The following NPBWR1 variants were observed in gnomAD, a reference collection of about 807,000 sequenced individuals.
NPBWR1 encodes the protein neuropeptides B and W receptor 1.
NPBWR1 carries 4 observed loss-of-function variants against 2.8 expected under a neutral mutation model. That is an observed-to-expected ratio of 1.44 (90% confidence interval 0.71 to 3.29). The LOEUF is 3.29. Ranked by LOEUF, NPBWR1 falls within the 30% of genes most tolerant of loss-of-function variation. The probability of loss-of-function intolerance (pLI) is 0.01; values close to 1 mark genes in which losing one functional copy is unlikely to be tolerated. For missense variants in NPBWR1, 545 were observed against 462.5 expected (o/e 1.18, Z -1.64); for synonymous variants, 250 against 224.5 (o/e 1.11, Z -1.02).
chr8:52,939,778 A>G lies in NPBWR1; in HGVS notation c.-130A>G, dbSNP rs1188053260. On this transcript the variant is annotated 5_prime_UTR_variant, in exon 2 of 2. Transcript: ENST00000674939. ...AACGGTCCCCTCCTCCGGAAAAACC[A>G]GAGAACGGCTTGGAGAGCTGAAACG... 32 of 1,090,464 alleles carry G rather than the reference A, an allele frequency of 2.9e-5. No individual in the cohort carries two copies. The highest frequency in any genetic ancestry group is 9.0e-5 in the Admixed American group (3 of 33,442). 67.5% of individuals were successfully genotyped at this position (1,090,464 alleles called of 1,614,324 possible).
At position 52,941,456 on chromosome 8, in the gene NPBWR1, C is replaced by T. The variant is rs1860201192; in HGVS notation, c.*562C>T. ...CTGTGAGACCCGCTTGGCCTGGCGC[C>T]GCGGGCGGGGACCGCTGCCGAGGCC... On this transcript the variant is annotated 3_prime_UTR_variant, in exon 2 of 2. Transcript: ENST00000674939. Among the ~76,000 whole-genome samples, 1 of 152,178 alleles carries T rather than the reference C, an allele frequency of 6.6e-6. No individual in the cohort carries two copies. Among genetic ancestry groups the T allele is most frequent in the South Asian group, 2.1e-4 (1 of 4,836 alleles).
rs1860181120 is a variant in NPBWR1, at chr8:52,940,679, G to T, written c.772G>T (p.Ala258Ser). 1.2e-6 allele frequency: 2 copies of T among 1,612,516 alleles called. No individual in the cohort carries two copies. The highest frequency in any genetic ancestry group is 8.5e-7 in the Non-Finnish European group (1 of 1,179,908). Residue 258 changes from alanine to serine, a missense_variant, in exon 2 of 2, where the codon GCG (alanine) becomes TCG (serine). Ala to Ser is a moderately conservative substitution (Grantham distance 99). Transcript: ENST00000674939. ...GACCTTCCTGGTGGTGGCAATCCTG[G>T]CGGTGTGCCTCCTCTGCTGGACGCC... ...RVTFLVVAIL[A>S]VCLLCWTPYH...
Position 52,939,993 on chromosome 8 carries a change from T to TGGCGCCGCTGCC in NPBWR1, c.97_108dup (p.Pro33_Leu36dup). 1.2e-6 allele frequency: 2 copies of TGGCGCCGCTGCC among 1,603,100 alleles called. No homozygotes were observed. Among genetic ancestry groups the TGGCGCCGCTGCC allele is most frequent in the Non-Finnish European group, 1.7e-6 (2 of 1,179,408 alleles). Reference sequence around the variant, plus strand: ...CTGAGCTGCTCCAACGCGTCGACTCTGGCGCCGCTGCCGGCGCCGCTGGCG... The same window carrying TGGCGCCGCTGCC: ...CTGAGCTGCTCCAACGCGTCGACTCTGGCGCCGCTGCCGGCGCCGCTGCCGGCGCCGCTGGCG... On this transcript the variant is annotated inframe_insertion, in exon 2 of 2. Transcript: ENST00000674939.
Position 52,941,592 on chromosome 8 carries a change from A to G in NPBWR1, c.*698A>G, listed in dbSNP as rs143046665. Among the ~76,000 whole-genome samples the G allele has an allele frequency of 1.0e-2, 1,519 of 152,348 alleles. 20 individuals are homozygous for G. Among genetic ancestry groups the G allele is most frequent in the Admixed American group, 0.03 (456 of 15,306 alleles). On this transcript the variant is annotated 3_prime_UTR_variant, in exon 2 of 2. Coordinates refer to ENST00000674939, the MANE Select transcript of NPBWR1 (RefSeq NM_005285.5). ...TGTGCGCGCGTTTGCGGAGGCATGA[A>G]ATGCGGGGAAAGAGGCTGGCGCTTG...
rs1323229411 is a variant in NPBWR1 at position 52,940,399 on chromosome 8, G to C, written c.492G>C (p.Gly164=). ...AARAVSLAVW[G]IVTLVVLPFA... ...GCGCGGTGAGCCTGGCCGTGTGGGG[G>C]ATCGTCACACTCGTCGTGCTGCCCT... The change falls in exon 2 of 2, where the codon GGG becomes GGC. Residue 164 remains glycine (G), a synonymous_variant. Transcript: ENST00000674939. 1 of 1,602,262 alleles carries C rather than the reference G, an allele frequency of 6.2e-7. No homozygotes were observed. Among genetic ancestry groups the C allele is most frequent in the South Asian group, 1.1e-5 (1 of 90,762 alleles).
rs1446833166 is a variant in NPBWR1 at position 52,940,910 on chromosome 8, G to A, written c.*16G>A. ...GGCAGCCTGACTCCCCCAGCGTCCG[G>A]CTCCGCAACTGCCCGCCACTCCTGG... On this transcript the variant is annotated 3_prime_UTR_variant, in exon 2 of 2. Transcript: ENST00000674939. The A allele has an allele frequency of 3.8e-6, 6 of 1,567,732 alleles. No individual in the cohort carries two copies. Among genetic ancestry groups the A allele is most frequent in the South Asian group, 2.4e-5 (2 of 84,114 alleles).
In NPBWR1 at chr8:52,941,846, G is replaced by C. The variant is rs1464429476; in HGVS notation, c.*952G>C. Among the ~76,000 whole-genome samples, 2 of 152,196 alleles carry C rather than the reference G, an allele frequency of 1.3e-5. No homozygotes were observed. The highest frequency in any genetic ancestry group is 3.9e-4 in the East Asian group (2 of 5,158). ...GCGGGGCTTTGTGGTGGAGCACTCC[G>C]GCTGAGCGCGCTTCACAGCGCTGTG... On this transcript the variant is annotated 3_prime_UTR_variant, in exon 2 of 2. Coordinates refer to ENST00000674939, the MANE Select transcript of NPBWR1 (RefSeq NM_005285.5).
In NPBWR1 at chr8:52,942,884, C is replaced by G. The variant is rs560184310; in HGVS notation, c.*1990C>G. On this transcript the variant is annotated 3_prime_UTR_variant, in exon 2 of 2. Coordinates refer to ENST00000674939, the MANE Select transcript of NPBWR1 (RefSeq NM_005285.5). The stretch of plus-strand genomic sequence containing the variant: ...TTTGAACAGGCCTCTCTCTGCTGGC[C>G]GGCTTCGGAGGCTTCTTGGAATTCA... Among the ~76,000 whole-genome samples the G allele has an allele frequency of 2.6e-5, 4 of 152,182 alleles. No individual in the cohort carries two copies. Among genetic ancestry groups the G allele is most frequent in the Non-Finnish European group, 5.9e-5 (4 of 68,050 alleles).
At chr8:52,939,638 C>A (rs1860151686) in intron 1 of NPBWR1, 73 bp from the exon 2 acceptor site, 2 of 425,750 alleles carry the variant, frequency 4.7e-6, no homozygotes. Flanking sequence ...ACCCCCACCC[C>A]TCCTCGGGAC....
In NPBWR1 at chr8:52,940,095, T is replaced by A; in HGVS notation, c.188T>A (p.Leu63Gln). 1.2e-6 allele frequency: 2 copies of A among 1,612,134 alleles called. No individual in the cohort carries two copies. The highest frequency in any genetic ancestry group is 1.7e-6 in the Non-Finnish European group (2 of 1,179,980). Residue 63 changes from leucine (L) to glutamine (Q), a missense_variant, in exon 2 of 2, where the codon CTG becomes CAG. Coordinates refer to ENST00000674939, the MANE Select transcript of NPBWR1 (RefSeq NM_005285.5). ...AGNSAVLYVL[L>Q]RAPRMKTVTN... Reference sequence around the variant, plus strand: ...AACTCCGCCGTGCTGTACGTGTTGCTGCGGGCGCCCCGCATGAAGACCGTC... The same window carrying A: ...AACTCCGCCGTGCTGTACGTGTTGCAGCGGGCGCCCCGCATGAAGACCGTC...
In NPBWR1 at chr8:52,940,980, C is replaced by T; in HGVS notation, c.*86C>T. The T allele has an allele frequency of 1.4e-6, 2 of 1,459,798 alleles. No individual in the cohort carries two copies. The highest frequency in any genetic ancestry group is 1.8e-6 in the Non-Finnish European group (2 of 1,108,296). The allele number at this position is 1,459,798 out of a possible 1,614,324, so 90.4% of individuals were successfully genotyped here. A position where few individuals can be genotyped will look rare whatever the true frequency, so the allele number is the denominator to read the frequency against. On this transcript the variant is annotated 3_prime_UTR_variant, in exon 2 of 2. Transcript: ENST00000674939. Reference sequence around the variant, plus strand: ...CGCCAGAGTGCGGGACCAGACAGGCCGCCTAGGCCTCCTGGGGAAACCGAC... The same window carrying T: ...CGCCAGAGTGCGGGACCAGACAGGCTGCCTAGGCCTCCTGGGGAAACCGAC...
chr8:52,940,930 T>A lies in NPBWR1; in HGVS notation c.*36T>A. 7.7e-6 allele frequency: 12 copies of A among 1,559,492 alleles called. No homozygotes were observed. Among genetic ancestry groups the A allele is most frequent in the Non-Finnish European group, 9.5e-6 (11 of 1,156,378 alleles). ...GTCCGGCTCCGCAACTGCCCGCCACTCCTGGCCAGCGAGGGAGGAGCCGGC... is the reference window on the plus strand; with the variant it reads ...GTCCGGCTCCGCAACTGCCCGCCACACCTGGCCAGCGAGGGAGGAGCCGGC... On this transcript the variant is annotated 3_prime_UTR_variant, in exon 2 of 2. Coordinates refer to ENST00000674939, the MANE Select transcript of NPBWR1 (RefSeq NM_005285.5).
rs1802896751 is a variant in NPBWR1, at chr8:52,942,392, T to C, written c.*1498T>C. Among the ~76,000 whole-genome samples the C allele has an allele frequency of 6.6e-6, 1 of 152,262 alleles. No individual in the cohort carries two copies. Among genetic ancestry groups the C allele is most frequent in the African/African-American group, 2.4e-5 (1 of 41,484 alleles). ...TGCCCAATCCTCTGCAGTTTAGCCT[T>C]AGACATGAGGGCCGAACCCTAAGCA... On this transcript the variant is annotated 3_prime_UTR_variant, in exon 2 of 2. Transcript: ENST00000674939.
chr8:52,942,761 A>C lies in NPBWR1; in HGVS notation c.*1867A>C, dbSNP rs1443197292. Among the ~76,000 whole-genome samples the C allele has an allele frequency of 6.6e-6, 1 of 152,204 alleles. No individual in the cohort carries two copies. The highest frequency in any genetic ancestry group is 1.5e-5 in the Non-Finnish European group (1 of 68,040). On this transcript the variant is annotated 3_prime_UTR_variant, in exon 2 of 2. Coordinates refer to ENST00000674939, the MANE Select transcript of NPBWR1 (RefSeq NM_005285.5). ...TCATAGCCATCAGTTTAGAAAATAT[A>C]CATTAAAAAACCTTCTGTCTTGGGT...
Position 52,939,872 on chromosome 8 carries a change from G to C in NPBWR1, c.-36G>C. ...CTGAGCTCCGTAGGGCGTCCTTGGGGGACGCCAGGTCGCCGGCTCCTCTGC... is the reference window on the plus strand; with the variant it reads ...CTGAGCTCCGTAGGGCGTCCTTGGGCGACGCCAGGTCGCCGGCTCCTCTGC... On this transcript the variant is annotated 5_prime_UTR_variant, in exon 2 of 2. Coordinates refer to ENST00000674939, the MANE Select transcript of NPBWR1 (RefSeq NM_005285.5). The C allele has an allele frequency of 6.7e-7, 1 of 1,489,278 alleles. No individual in the cohort carries two copies. Among genetic ancestry groups the C allele is most frequent in the South Asian group, 1.4e-5 (1 of 73,068 alleles). The allele number at this position is 1,489,278 out of a possible 1,614,324, so 92.3% of individuals were successfully genotyped here.
In NPBWR1 at chr8:52,939,912, A is replaced by G. The variant is rs551301677; in HGVS notation, c.5A>G (p.Asp2Gly). M[D>G]NASFSEPWPA... ...GGCTCCTCTGCCCTCGTTGAGATGGACAACGCCTCGTTCTCGGAGCCCTGG... is the reference window on the plus strand; with the variant it reads ...GGCTCCTCTGCCCTCGTTGAGATGGGCAACGCCTCGTTCTCGGAGCCCTGG... The change falls in exon 2 of 2, where the codon GAC (aspartate) becomes GGC (glycine). Residue 2 changes from aspartate to glycine, a missense_variant. Coordinates refer to ENST00000674939, the MANE Select transcript of NPBWR1 (RefSeq NM_005285.5). The G allele has an allele frequency of 1.3e-6, 2 of 1,543,120 alleles. No homozygotes were observed. Among genetic ancestry groups the G allele is most frequent in the South Asian group, 1.2e-5 (1 of 81,104 alleles).
Position 52,941,201 on chromosome 8 carries a change from GC to G in NPBWR1, c.*312del, listed in dbSNP as rs1236548677. On this transcript the variant is annotated 3_prime_UTR_variant, in exon 2 of 2. Transcript: ENST00000674939. ...GAGGAGGGCGGTATTGCTGGGAACC[GC>G]CCCCTCCCTGCCCTGCTCCCTGCTG... 22 of 412,014 alleles carry G rather than the reference GC, an allele frequency of 5.3e-5. 1 individual carries two copies. The South Asian group carries it at 7.6e-4, about 14-fold the overall frequency. The allele number at this position is 412,014 out of a possible 1,614,324, so 25.5% of individuals were successfully genotyped here. A position where few individuals can be genotyped will look rare whatever the true frequency, so the allele number is the denominator to read the frequency against.
chr8:52,940,234 C>G lies in NPBWR1; in HGVS notation c.327C>G (p.Cys109Trp). The change falls in exon 2 of 2, where the codon TGC becomes TGG. Residue 109 changes from cysteine to tryptophan, a missense_variant. Cys to Trp is a radical substitution (Grantham distance 215). Transcript: ENST00000674939. ...AGTGGCCCTTCGGGGAGCTCATGTG[C>G]AAGCTCATCGTGGCTATCGACCAGT... ...LRQWPFGELMCKLIVAIDQYN... is the reference protein window; with the variant it reads ...LRQWPFGELMWKLIVAIDQYN... 6.2e-7 allele frequency: 1 copy of G among 1,613,810 alleles called. No individual in the cohort carries two copies. Among genetic ancestry groups the G allele is most frequent in the African/African-American group, 1.3e-5 (1 of 75,070 alleles).
In NPBWR1 at chr8:52,939,848, T is replaced by G; in HGVS notation, c.-60T>G. 1 of 1,455,636 alleles carries G rather than the reference T, an allele frequency of 6.9e-7. No individual in the cohort carries two copies. The highest frequency in any genetic ancestry group is 9.0e-7 in the Non-Finnish European group (1 of 1,110,474). 90.2% of individuals were successfully genotyped at this position (1,455,636 alleles called of 1,614,324 possible). A position where few individuals can be genotyped will look rare whatever the true frequency, so the allele number is the denominator to read the frequency against. On this transcript the variant is annotated 5_prime_UTR_variant, in exon 2 of 2. Transcript: ENST00000674939. ...GTGCAGAACCGGGCTTCAGGACCGCTGAGCTCCGTAGGGCGTCCTTGGGGG... is the reference window on the plus strand; with the variant it reads ...GTGCAGAACCGGGCTTCAGGACCGCGGAGCTCCGTAGGGCGTCCTTGGGGG...
Sources: allele counts gnomAD v4.1 joint callset (sites outside exome capture counted in the v4.1 genomes callset), GRCh38; gene constraint gnomAD v4.1.1; transcripts MANE v1.5; gene names NCBI Gene and HGNC (gene_info 2026-07-23, HGNC 2026-07-21).